Variants in WWC2 observed in about 807,000 individuals in gnomAD.
WWC2 encodes the protein WW and C2 domain containing 2.
In WWC2, 101 loss-of-function variants were observed where a neutral mutation model predicts 138.5. The ratio of observed to expected loss-of-function variants is 0.73; its 90% CI spans 0.62 to 0.86. The LOEUF is 0.86. Among genes scored for constraint, WWC2 ranks in the 40% least tolerant of loss-of-function variants. WWC2 has a pLI of 0.00. For synonymous variants in WWC2, 558 were observed against 538.4 expected, an observed-to-expected ratio of 1.04 and a Z score of -0.50; for missense variants, 1,420 against 1,419.4, an observed-to-expected ratio of 1.00 and a Z score of -0.01.
chr4:183,222,631 A>G (rs1735964401), intron 4 of WWC2, among the ~76,000 whole-genome samples: 1 of 152,160 alleles, frequency 6.6e-6, no homozygotes, highest in Non-Finnish European at 1.5e-5. Flanking sequence ...AATTTTCAGA[A>G]TATCATCTGG....
rs192281670 is a variant in WWC2, at chr4:183,239,247, G to A, written c.523-936G>A. ...TGAGAATCGCTTGAACCCGGGAGGC[G>A]GAGTTGCAGTGAGCCGAGATTGCAC... is the stretch of plus-strand genomic sequence containing the variant. On this transcript the variant is annotated intron_variant, in intron 4 of 22. Coordinates refer to ENST00000403733, the MANE Select transcript of WWC2 (RefSeq NM_024949.6). Among the ~76,000 whole-genome samples, 397 of 152,092 alleles carry A rather than the reference G, an allele frequency of 2.6e-3. 4 individuals are homozygous for A. The highest frequency in any genetic ancestry group is 7.9e-3 in the African/African-American group (328 of 41,496).
chr4:183,250,085 C>G (rs1736928293), intron 8 of WWC2, 92 bp downstream of exon 8: 5 of 1,153,768 alleles, frequency 4.3e-6, no homozygotes, highest in East Asian at 5.1e-5. Context: ...CTGGGCACTC[C>G]CCATACATTC....
At chr4:183,260,466 A>G (rs921615165) in intron 10 of WWC2, among the ~76,000 whole-genome samples, 2 of 152,262 alleles carry the variant, frequency 1.3e-5, no homozygotes, top group Admixed American at 6.5e-5. Context: ...GACTGCATAT[A>G]TGATGGTGGT....
intron 4 of WWC2, among the ~76,000 whole-genome samples, chr4:183,229,184 A>T (rs1247980646): frequency 6.6e-6 from 1 of 152,070 alleles, no homozygotes; most frequent in Non-Finnish European, 1.5e-5. Flanking sequence ...TGCTACGCTT[A>T]AAGTTTTTTT....
intron 1 of WWC2, among the ~76,000 whole-genome samples, chr4:183,177,441 T>C (rs1734499004): frequency 6.6e-6 from 1 of 152,206 alleles, no homozygotes; most frequent in Non-Finnish European, 1.5e-5. Flanking sequence ...ATAGAACCTT[T>C]GTAAATTTAA....
intron 4 of WWC2, among the ~76,000 whole-genome samples, chr4:183,213,402 T>C (rs1265449820): frequency 6.6e-6 from 1 of 152,236 alleles, no homozygotes; most frequent in Non-Finnish European, 1.5e-5. Flanking sequence ...ACTCATCACT[T>C]TGGTGTTTTG....
intron 1 of WWC2, among the ~76,000 whole-genome samples, chr4:183,117,215 CTTT>C (rs923478529): frequency 4.2e-5 from 4 of 95,670 alleles, no homozygotes; most frequent in Middle Eastern, 8.5e-3. Flanking sequence ...CATTCTTCTT[CTTT>C]TTTTTTTTTT....
intron 21 of WWC2, among the ~76,000 whole-genome samples, chr4:183,303,380 C>T (rs1738920458): frequency 6.6e-6 from 1 of 152,138 alleles, no homozygotes; most frequent in African/African-American, 2.4e-5. Context: ...CCAGTGTAAA[C>T]ATCTCAGCCA....
At chr4:183,108,829 T>C (rs1732132567) in intron 1 of WWC2, among the ~76,000 whole-genome samples, 1 of 152,154 alleles carries the variant, frequency 6.6e-6, no homozygotes, top group South Asian at 2.1e-4. Flanking sequence ...CAGGCTAGTC[T>C]TGAACTCCTG....
intron 8 of WWC2, among the ~76,000 whole-genome samples, chr4:183,250,536 C>T (rs73004996): frequency 1.3e-5 from 2 of 152,098 alleles, no homozygotes; most frequent in Non-Finnish European, 2.9e-5. Flanking sequence ...TTCTTAATCC[C>T]TGTGCTATCT....
chr4:183,172,957 CATAT>C (rs1162564334), intron 1 of WWC2, among the ~76,000 whole-genome samples: 1 of 152,032 alleles, frequency 6.6e-6, no homozygotes, highest in African/African-American at 2.4e-5. Flanking sequence ...TTTCTGCCAT[CATAT>C]TGTTCATTTC....
intron 1 of WWC2, among the ~76,000 whole-genome samples, chr4:183,150,733 A>G (rs1000997670): frequency 3.3e-5 from 5 of 151,894 alleles, no homozygotes; most frequent in Non-Finnish European, 5.9e-5. Flanking sequence ...CCTGTGTCCA[A>G]GTGTTCTCAT....
chr4:183,256,385 C>T (rs929764519), intron 9 of WWC2, among the ~76,000 whole-genome samples: 4 of 152,182 alleles, frequency 2.6e-5, no homozygotes, highest in Non-Finnish European at 4.4e-5. Flanking sequence ...TAGATACAAC[C>T]TCGTCTGGCT....
intron 1 of WWC2, among the ~76,000 whole-genome samples, chr4:183,100,531 AC>A (rs1743144931): frequency 6.6e-6 from 1 of 152,232 alleles, no homozygotes; most frequent in Non-Finnish European, 1.5e-5. Flanking sequence ...AATTTAAATA[AC>A]GTGCCACCAG....
chr4:183,182,393 G>A (rs747072772), intron 1 of WWC2, among the ~76,000 whole-genome samples: 4 of 152,196 alleles, frequency 2.6e-5, no homozygotes, highest in Non-Finnish European at 5.9e-5. Context: ...AGCCTTGGTG[G>A]ATTTCTGTTA....
chr4:183,189,378 A>G (rs1265776785), intron 1 of WWC2, among the ~76,000 whole-genome samples: 3 of 151,624 alleles, frequency 2.0e-5, no homozygotes, highest in Non-Finnish European at 4.4e-5. Flanking sequence ...TGGAGGTTGC[A>G]GTGAGCCGAG....
chr4:183,308,688 T>G (rs1739103629), intron 21 of WWC2, among the ~76,000 whole-genome samples: 3 of 152,212 alleles, frequency 2.0e-5, no homozygotes. Context: ...CCATACACTT[T>G]AAATCATTTC....
intron 1 of WWC2, among the ~76,000 whole-genome samples, chr4:183,182,593 G>A (rs182575938): frequency 7.9e-5 from 12 of 152,214 alleles, no homozygotes; most frequent in East Asian, 5.8e-4. Flanking sequence ...GTTTTCTTCC[G>A]TGGCATAAAA....
chr4:183,266,595 C>T (rs1211051606), intron 14 of WWC2, among the ~76,000 whole-genome samples: 1 of 152,202 alleles, frequency 6.6e-6, no homozygotes, highest in Non-Finnish European at 1.5e-5. Context: ...TTTCTGACAT[C>T]AGAGTTTCAG....
Sources: allele counts gnomAD v4.1 joint callset (sites outside exome capture counted in the v4.1 genomes callset), GRCh38; gene constraint gnomAD v4.1.1; transcripts MANE v1.5; gene names NCBI Gene and HGNC (gene_info 2026-07-23, HGNC 2026-07-21).